Variants in EPC2 observed in about 807,000 individuals in gnomAD.
EPC2 encodes enhancer of polycomb homolog 2.
A neutral mutation model predicts 92.1 loss-of-function variants in EPC2; 14 were observed. The ratio of observed to expected loss-of-function variants is 0.15; its 90% confidence interval spans 0.10 to 0.24. EPC2 has a LOEUF of 0.24. Ranked by LOEUF, EPC2 falls within the 10% of genes least tolerant of loss-of-function variation. The pLI, the probability that EPC2 is intolerant of heterozygous loss-of-function variation, is 1.00. For synonymous variants in EPC2, 340 were observed against 334.7 expected, an observed-to-expected ratio of 1.02 and a Z score of -0.17; for missense variants, 755 against 971.5, an observed-to-expected ratio of 0.78 and a Z score of 2.96.
chr2:148,683,509 A>C (rs1168773872), intron 1 of EPC2, among the ~76,000 whole-genome samples: 2 of 152,016 alleles, frequency 1.3e-5, no homozygotes, highest in Non-Finnish European at 2.9e-5. Flanking sequence ...CTCGTGATCC[A>C]CCCACCTCGG....
chr2:148,754,207 TGAATAA>T (rs1241535361), intron 4 of EPC2, 74 bp downstream of exon 4: 5 of 1,177,564 alleles, frequency 4.2e-6, no homozygotes, highest in Non-Finnish European at 5.9e-6. Context: ...TCTAATAACT[TGAATAA>T]TTTTAACATA....
At chr2:148,671,622 A>G (rs1169042512) in intron 1 of EPC2, among the ~76,000 whole-genome samples, 1 of 152,034 alleles carries the variant, frequency 6.6e-6, no homozygotes, top group Non-Finnish European at 1.5e-5. Flanking sequence ...CCCCCAAAAA[A>G]AGTCATCTTT....
At chr2:148,708,270 T>TAC (rs920899322) in intron 2 of EPC2, among the ~76,000 whole-genome samples, 9 of 152,074 alleles carry the variant, frequency 5.9e-5, no homozygotes, top group African/African-American at 1.9e-4. Context: ...CCTCGACACA[T>TAC]ACACCCTCCC....
intron 1 of EPC2, among the ~76,000 whole-genome samples, chr2:148,654,050 T>G (rs1197930423): frequency 6.6e-6 from 1 of 151,084 alleles, no homozygotes; most frequent in Non-Finnish European, 1.5e-5. Context: ...CTGGTTCAAG[T>G]GATTCTCCTG....
intron 10 of EPC2, among the ~76,000 whole-genome samples, chr2:148,777,184 G>GA (rs893882520): frequency 1.0e-4 from 15 of 149,574 alleles, no homozygotes; most frequent in South Asian, 4.2e-4. Context: ...TTAAAAAAGA[G>GA]AAAAAAAAAG....
intron 2 of EPC2, among the ~76,000 whole-genome samples, chr2:148,705,827 C>G (rs1223409534): frequency 6.6e-6 from 1 of 152,130 alleles, no homozygotes; most frequent in Non-Finnish European, 1.5e-5. Flanking sequence ...GACATCCACA[C>G]CAAAACCTCA....
intron 2 of EPC2, among the ~76,000 whole-genome samples, chr2:148,734,285 T>A (rs1006686159): frequency 8.5e-5 from 13 of 152,054 alleles, no homozygotes; most frequent in Admixed American, 7.9e-4. Flanking sequence ...TACAAATTAA[T>A]CTTTAAAAAA....
chr2:148,648,743 T>C (rs1009324098), intron 1 of EPC2, among the ~76,000 whole-genome samples: 1 of 152,224 alleles, frequency 6.6e-6, no homozygotes. Context: ...TTATTCAAGT[T>C]CGAGTTACAT....
chr2:148,707,412 C>T (rs565203066), intron 2 of EPC2, among the ~76,000 whole-genome samples: 1 of 152,280 alleles, frequency 6.6e-6, no homozygotes, highest in Admixed American at 6.5e-5. Context: ...GACTTTAACA[C>T]CCCACTGTCA....
intron 1 of EPC2, among the ~76,000 whole-genome samples, chr2:148,649,119 C>T (rs1034569463): frequency 1.3e-5 from 2 of 152,224 alleles, no homozygotes; most frequent in Non-Finnish European, 2.9e-5. Flanking sequence ...TTGCCATTTA[C>T]TGAATACTTC....
intron 2 of EPC2, among the ~76,000 whole-genome samples, chr2:148,693,306 T>TTCCCTATGTGTTCTTC (rs1681679559): frequency 6.6e-6 from 1 of 152,242 alleles, no homozygotes; most frequent in African/African-American, 2.4e-5. Context: ...ATGGCCTTGT[T>TTCCCTATGTGTTCTTC]CAGGTTCATC....
In EPC2 at chr2:148,769,155, T is replaced by G; in HGVS notation, c.1145T>G (p.Leu382Trp). The G allele has an allele frequency of 6.2e-7, 1 of 1,611,216 alleles. No homozygotes were observed. The highest frequency in any genetic ancestry group is 8.5e-7 in the Non-Finnish European group (1 of 1,178,350). The stretch of plus-strand genomic sequence containing the variant: ...TGGAATGCCTCTTTTGTCTAGGTAT[T>G]GTCCCCAGTATCAGAACCGGAAGAA... ...SSDEDEFPQV[L>W]SPVSEPEEEN... Residue 382 changes from leucine (L) to tryptophan (W), a missense_variant, in exon 8 of 14, where the codon TTG (leucine) becomes TGG (tryptophan). Around this residue, in one of 4 missense-constraint regions of EPC2, gnomAD observed 509 missense variants for 607.7 expected, o/e 0.84. Transcript: ENST00000258484.
chr2:148,702,007 T>TA (rs1238954608), intron 2 of EPC2, among the ~76,000 whole-genome samples: 1 of 152,170 alleles, frequency 6.6e-6, no homozygotes, highest in Non-Finnish European at 1.5e-5. Context: ...GTTCTGTGCT[T>TA]ATCATAATAT....
intron 10 of EPC2, among the ~76,000 whole-genome samples, chr2:148,781,078 T>C (rs1159979904): frequency 6.6e-6 from 1 of 152,190 alleles, no homozygotes; most frequent in Admixed American, 6.5e-5. Context: ...CATATTTTTA[T>C]AGATGGATTT....
chr2:148,780,273 A>G (rs1035715544), intron 10 of EPC2, among the ~76,000 whole-genome samples: 2 of 152,168 alleles, frequency 1.3e-5, no homozygotes, highest in African/African-American at 4.8e-5. Flanking sequence ...CTTATAGTCC[A>G]ATACAAATTT....
chr2:148,650,613 A>G (rs1488114205), intron 1 of EPC2, among the ~76,000 whole-genome samples: 1 of 152,048 alleles, frequency 6.6e-6, no homozygotes, highest in African/African-American at 2.4e-5. Flanking sequence ...CTCCTCTCAT[A>G]TGTTGTCTAA....
At chr2:148,769,006 A>C in intron 7 of EPC2, 145 bp from the exon 8 acceptor site, 1 of 604,814 alleles carries the variant, frequency 1.7e-6, no homozygotes, top group East Asian at 2.9e-5. Context: ...TTTGCTAGTC[A>C]TTGAATGTTT....
At chr2:148,778,756 T>A (rs570384895) in intron 10 of EPC2, among the ~76,000 whole-genome samples, 7 of 152,176 alleles carry the variant, frequency 4.6e-5, no homozygotes, top group Admixed American at 3.3e-4. Flanking sequence ...AACAGTGCTC[T>A]AGAAAATTCT....
intron 2 of EPC2, among the ~76,000 whole-genome samples, chr2:148,738,142 A>G (rs1257278401): frequency 6.6e-6 from 1 of 152,206 alleles, no homozygotes; most frequent in African/African-American, 2.4e-5. Flanking sequence ...CAACAACAAC[A>G]ACAAAAACTC....
Sources: gnomAD v4.1 joint callset for allele counts (sites outside exome capture counted in the v4.1 genomes callset) on GRCh38, gnomAD v4.1.1 for gene constraint, gnomAD v4.1.1 regional missense constraint, MANE v1.5 for transcripts, NCBI Gene and HGNC (gene_info 2026-07-23, HGNC 2026-07-21) for gene names.